The following PCDHA11 variants were observed in gnomAD, a reference collection of about 807,000 sequenced individuals.
The protein encoded by PCDHA11 is protocadherin alpha 11, also known as protocadherin alpha-11.
PCDHA11 carries 61 observed loss-of-function variants against 70.3 expected under a neutral mutation model. That is an observed-to-expected ratio of 0.87 (90% CI 0.71 to 1.07). The LOEUF (loss-of-function observed/expected upper bound fraction) is 1.07. Ranked by LOEUF, PCDHA11 falls within the 50% of genes least tolerant of loss-of-function variation. The pLI, the probability that PCDHA11 is intolerant of heterozygous loss-of-function variation, is 0.00. For missense variants in PCDHA11, 1,324 were observed against 1,237.5 expected (o/e 1.07, Z -1.05); for synonymous variants, 633 against 555.1 (o/e 1.14, Z -1.97).
At chr5:140,883,202 G>T in intron 1 of PCDHA11, 1 of 1,613,916 alleles carries the variant, frequency 6.2e-7, no homozygotes, top group Non-Finnish European at 8.5e-7. Context: ...AGATTTCGAA[G>T]AAAAGAAATT....
intron 1 of PCDHA11, among the ~76,000 whole-genome samples, chr5:140,959,938 G>T (rs937975013): frequency 6.6e-6 from 1 of 152,130 alleles, no homozygotes; most frequent in Non-Finnish European, 1.5e-5. Flanking sequence ...CATTACTTAG[G>T]CAGAATATCA....
intron 1 of PCDHA11, among the ~76,000 whole-genome samples, chr5:140,977,031 G>A (rs1554238180): frequency 6.6e-6 from 1 of 152,192 alleles, no homozygotes; most frequent in Admixed American, 6.5e-5. Context: ...ATGAATCTAA[G>A]AAGGATGTTG....
chr5:140,878,313 AT>A (rs2057535405), intron 1 of PCDHA11, among the ~76,000 whole-genome samples: 1 of 152,186 alleles, frequency 6.6e-6, no homozygotes, highest in Non-Finnish European at 1.5e-5. Flanking sequence ...CAATCTAGAC[AT>A]TTTCACATTA....
rs185799175 is a variant in PCDHA11, at chr5:140,887,220, C to G, written c.2391+15726C>G. ...CACGCCATTCTCCTGCCTCAGCCTC[C>G]CGAGTAGCTGAGACTACCGGCGCCC... On this transcript the variant is annotated intron_variant, in intron 1 of 3. Coordinates refer to ENST00000398640, the MANE Select transcript of PCDHA11 (RefSeq NM_018902.5). Among the ~76,000 whole-genome samples, 14 of 152,078 alleles carry G rather than the reference C, an allele frequency of 9.2e-5. No individual in the cohort carries two copies. In the East Asian group the frequency reaches 2.7e-3, roughly 30 times the overall value.
In PCDHA11 at chr5:140,982,560, C is replaced by T. The variant is rs782437404; in HGVS notation, c.2536C>T (p.Pro846Ser). 6.2e-7 allele frequency: 1 copy of T among 1,614,098 alleles called. No homozygotes were observed. Among genetic ancestry groups the T allele is most frequent in the Admixed American group, 1.7e-5 (1 of 60,022 alleles). ...GTGGCCAACAGTATCCAGTGCAACA[C>T]CAGGTAAAGAGCTGGGGTCTCTCCA... ...QQWPTVSSAT[P>S]EPEAGEVSPP... The change falls in exon 3 of 4, where the codon CCA (proline) becomes TCA (serine). Residue 846 changes from proline (P) to serine (S), a missense_variant. Coordinates refer to ENST00000398640, the MANE Select transcript of PCDHA11 (RefSeq NM_018902.5).
chr5:140,930,781 CAATAT>C (rs1259470112), intron 1 of PCDHA11, among the ~76,000 whole-genome samples: 2 of 152,048 alleles, frequency 1.3e-5, no homozygotes, highest in African/African-American at 4.8e-5. Context: ...AATATTTTCA[CAATAT>C]AATAGAATCC....
In PCDHA11 at chr5:141,011,088, T is replaced by TTCTC. The variant is rs375099849; in HGVS notation, c.*1165_*1168dup. 6.6e-6 allele frequency: 1 copy of TTCTC among 152,032 alleles called. No homozygotes were observed. Among genetic ancestry groups the TTCTC allele is most frequent in the Non-Finnish European group, 1.5e-5 (1 of 67,462 alleles). 9.4% of individuals were successfully genotyped at this position (152,032 alleles called of 1,614,324 possible). A position where few individuals can be genotyped will look rare whatever the true frequency, so the allele number is the denominator to read the frequency against. On this transcript the variant is annotated 3_prime_UTR_variant, in exon 4 of 4. Transcript: ENST00000398640. The stretch of plus-strand genomic sequence containing the variant: ...TATTACTAAATAAAATGATCTCTCT[T>TTCTC]TCTCTCTCTCTCTCTCTTTTCTAAG...
intron 1 of PCDHA11, chr5:140,967,958 C>A (rs202159883): frequency 6.2e-7 from 1 of 1,614,182 alleles, no homozygotes; most frequent in Non-Finnish European, 8.5e-7. Context: ...AGGCCCCAAC[C>A]GGAAAGTGAG....
chr5:140,944,470 A>G (rs1245262998), intron 1 of PCDHA11, among the ~76,000 whole-genome samples: 1 of 152,166 alleles, frequency 6.6e-6, no homozygotes, highest in East Asian at 1.9e-4. Flanking sequence ...TACAGGTATG[A>G]GGCACTGGAC....
chr5:140,886,281 T>C (rs2060932567), intron 1 of PCDHA11, among the ~76,000 whole-genome samples: 1 of 151,934 alleles, frequency 6.6e-6, no homozygotes, highest in African/African-American at 2.4e-5. Flanking sequence ...TTTTTAAAAT[T>C]ATTTTTATAT....
chr5:140,927,901 G>A lies in PCDHA11; in HGVS notation c.2392-51048G>A, dbSNP rs370478984. On this transcript the variant is annotated intron_variant, in intron 1 of 3. Transcript: ENST00000398640. ...GGAGGTGACTGACGTGAACGATCAT[G>A]CCCCCGAACTGGACTTCCTGACTCT... The A allele has an allele frequency of 6.2e-6, 10 of 1,614,084 alleles. No individual in the cohort carries two copies. Among genetic ancestry groups the A allele is most frequent in the Non-Finnish European group, 8.5e-6 (10 of 1,180,046 alleles).
rs1351145867 is a variant in PCDHA11, at chr5:141,012,314, G to T, written c.*2377G>T. On this transcript the variant is annotated 3_prime_UTR_variant, in exon 4 of 4. Coordinates refer to ENST00000398640, the MANE Select transcript of PCDHA11 (RefSeq NM_018902.5). ...AATTGGTGCTATTGGTATTTCCTCTGTTATTGCTAATAAATGAAAATGGTG... is the reference window on the plus strand; with the variant it reads ...AATTGGTGCTATTGGTATTTCCTCTTTTATTGCTAATAAATGAAAATGGTG... The T allele has an allele frequency of 6.5e-6, 1 of 153,728 alleles. No individual in the cohort carries two copies. The highest frequency in any genetic ancestry group is 2.4e-5 in the African/African-American group (1 of 41,440). 9.5% of individuals were successfully genotyped at this position (153,728 alleles called of 1,614,324 possible). A position where few individuals can be genotyped will look rare whatever the true frequency, so the allele number is the denominator to read the frequency against.
chr5:140,874,211 A>G (rs1257270226), intron 1 of PCDHA11, among the ~76,000 whole-genome samples: 1 of 152,220 alleles, frequency 6.6e-6, no homozygotes, highest in African/African-American at 2.4e-5. Context: ...CTTTATTATT[A>G]TATGCAGTAG....
At chr5:140,952,058 T>C (rs889374877) in intron 1 of PCDHA11, among the ~76,000 whole-genome samples, 1 of 152,096 alleles carries the variant, frequency 6.6e-6, no homozygotes, top group African/African-American at 2.4e-5. Flanking sequence ...ATCTTAAAGC[T>C]CCAAATAATC....
chr5:141,000,412 TATATATATA>T (rs1297219533), intron 3 of PCDHA11, among the ~76,000 whole-genome samples: 3 of 102,772 alleles, frequency 2.9e-5, no homozygotes, highest in Admixed American at 1.2e-4. Flanking sequence ...TATATATATA[TATATATATA>T]TTTTTTTTTT....
At chr5:140,919,658 T>G (rs1271844986) in intron 1 of PCDHA11, among the ~76,000 whole-genome samples, 1 of 152,230 alleles carries the variant, frequency 6.6e-6, no homozygotes, top group South Asian at 2.1e-4. Context: ...GTTTACCATA[T>G]ATATTTTAGC....
intron 1 of PCDHA11, among the ~76,000 whole-genome samples, chr5:140,921,271 A>C (rs1190111273): frequency 1.3e-5 from 2 of 152,142 alleles, no homozygotes; most frequent in East Asian, 1.9e-4. Flanking sequence ...TTTTATACTT[A>C]CTTGAAAAAA....
rs782395968 is a variant in PCDHA11, at chr5:141,011,916, A to G, written c.*1979A>G. ...TATTATCTATTTAGGCATTAATATA[A>G]AAGAGGTAGGAGTCTGTTATTTAAA... On this transcript the variant is annotated 3_prime_UTR_variant, in exon 4 of 4. Coordinates refer to ENST00000398640, the MANE Select transcript of PCDHA11 (RefSeq NM_018902.5). 4 of 153,828 alleles carry G rather than the reference A, an allele frequency of 2.6e-5. No individual in the cohort carries two copies. The highest frequency in any genetic ancestry group is 4.4e-5 in the Non-Finnish European group (3 of 68,030). 9.5% of individuals were successfully genotyped at this position (153,828 alleles called of 1,614,324 possible). A position where few individuals can be genotyped will look rare whatever the true frequency, so the allele number is the denominator to read the frequency against.
At position 141,010,536 on chromosome 5, in the gene PCDHA11, T is replaced by A; in HGVS notation, c.*599T>A. On this transcript the variant is annotated 3_prime_UTR_variant, in exon 4 of 4. Transcript: ENST00000398640. ...AACTCAAGAGGTGGCAGCCACCCTC[T>A]AGGAGACAAAACTACCCCCACTGAC... 1 of 381,624 alleles carries A rather than the reference T, an allele frequency of 2.6e-6. No homozygotes were observed. The highest frequency in any genetic ancestry group is 4.6e-6 in the Non-Finnish European group (1 of 218,036). 23.6% of individuals were successfully genotyped at this position (381,624 alleles called of 1,614,324 possible).
Sources: gnomAD v4.1 joint callset for allele counts (sites outside exome capture counted in the v4.1 genomes callset) on GRCh38, gnomAD v4.1.1 for gene constraint, MANE v1.5 for transcripts, NCBI Gene and HGNC (gene_info 2026-07-23, HGNC 2026-07-21) for gene names.